The following AGAP1 variants were observed in gnomAD, a reference collection of about 807,000 sequenced individuals.
AGAP1 encodes the protein arf-GAP with GTPase, ANK repeat and PH domain-containing protein 1.
AGAP1 carries 29 observed loss-of-function variants against 105.3 expected under a neutral mutation model. The ratio of observed to expected loss-of-function variants is 0.28; its 90% CI spans 0.21 to 0.38. AGAP1 has a LOEUF of 0.38. Among genes scored for constraint, AGAP1 ranks in the 10% least tolerant of loss-of-function variants. AGAP1 has a pLI of 1.00. For synonymous variants in AGAP1, 509 were observed against 485.9 expected (o/e 1.05, Z -0.63); for missense variants, 998 against 1,165.1 (o/e 0.86, Z 2.09).
chr2:235,647,387 C>T (rs1249536095), intron 1 of AGAP1, among the ~76,000 whole-genome samples: 1 of 152,068 alleles, frequency 6.6e-6, no homozygotes, highest in Non-Finnish European at 1.5e-5. Context: ...TGAGCAATCA[C>T]ATTTCTTTTT....
intron 1 of AGAP1, among the ~76,000 whole-genome samples, chr2:235,561,034 T>G (rs968939851): frequency 1.3e-5 from 2 of 151,896 alleles, no homozygotes; most frequent in African/African-American, 4.8e-5. Context: ...TTCTTTGGAG[T>G]GGGTGCCGCT....
At chr2:236,102,231 C>CA (rs1238212137) in intron 16 of AGAP1, among the ~76,000 whole-genome samples, 1 of 152,106 alleles carries the variant, frequency 6.6e-6, no homozygotes, top group Non-Finnish European at 1.5e-5. Flanking sequence ...TCCTGGCTAA[C>CA]ACGGTGAAAC....
chr2:235,837,960 A>C (rs1960359845), intron 9 of AGAP1, among the ~76,000 whole-genome samples: 1 of 152,184 alleles, frequency 6.6e-6, no homozygotes, highest in Non-Finnish European at 1.5e-5. Flanking sequence ...AGGTGGGTAG[A>C]TCACCTGAGG....
chr2:235,583,564 T>C (rs1020092104), intron 1 of AGAP1, among the ~76,000 whole-genome samples: 2 of 151,480 alleles, frequency 1.3e-5, no homozygotes, highest in Non-Finnish European at 2.9e-5. Context: ...TTTTTTTTTT[T>C]TTTTTTTTTT....
At position 235,867,409 on chromosome 2, in the gene AGAP1, T is replaced by A. The variant is rs2049224218; in HGVS notation, c.1051-15936T>A. Among the ~76,000 whole-genome samples, 1 of 152,174 alleles carries A rather than the reference T, an allele frequency of 6.6e-6. No individual in the cohort carries two copies. The highest frequency in any genetic ancestry group is 1.5e-5 in the Non-Finnish European group (1 of 68,034). On this transcript the variant is annotated intron_variant, in intron 9 of 17. Coordinates refer to ENST00000304032, the MANE Select transcript of AGAP1 (RefSeq NM_001037131.3). This position sits in a 1 kb window ranked among gnomAD's most constrained non-coding sequence, Gnocchi z 5.4. ...TCAGATTTGGCCGACATGTGGGAGC[T>A]TGCCGGCCCCAGTCCCGTAGGATCC...
intron 6 of AGAP1, chr2:235,783,533 G>A: frequency 2.8e-6 from 1 of 355,458 alleles, no homozygotes; most frequent in South Asian, 2.2e-5. Flanking sequence ...GTCATCACAG[G>A]ATTCTAGTAT....
chr2:235,590,453 G>A (rs1173285448), intron 1 of AGAP1, among the ~76,000 whole-genome samples: 1 of 152,046 alleles, frequency 6.6e-6, no homozygotes, highest in Non-Finnish European at 1.5e-5. Context: ...GCTGGATGTT[G>A]AAGCTGTTGA....
Position 236,040,048 on chromosome 2 carries a change from C to T in AGAP1, c.1801-703C>T, listed in dbSNP as rs1416349078. On this transcript the variant is annotated intron_variant, in intron 14 of 17. Coordinates refer to ENST00000304032, the MANE Select transcript of AGAP1 (RefSeq NM_001037131.3). The surrounding 1 kb of genome is among the most constrained non-coding windows in gnomAD (Gnocchi z 5.6). ...ATCACTTGAGCCCACGAGTTCAAGGCTGCAGTGAGCTATGATCACACCACT... is the reference window on the plus strand; with the variant it reads ...ATCACTTGAGCCCACGAGTTCAAGGTTGCAGTGAGCTATGATCACACCACT... 2.6e-5 allele frequency among the ~76,000 whole-genome samples: 4 copies of T among 152,178 alleles called. No individual in the cohort carries two copies. The highest frequency in any genetic ancestry group is 9.6e-5 in the African/African-American group (4 of 41,504).
At chr2:236,015,413 T>G (rs1294520845) in intron 13 of AGAP1, among the ~76,000 whole-genome samples, 1 of 152,230 alleles carries the variant, frequency 6.6e-6, no homozygotes, top group Non-Finnish European at 1.5e-5. Flanking sequence ...AGTATTTTGT[T>G]GTGTTTCTAA....
At chr2:236,016,559 C>T (rs898420775) in intron 13 of AGAP1, among the ~76,000 whole-genome samples, 2 of 152,158 alleles carry the variant, frequency 1.3e-5, no homozygotes, top group African/African-American at 4.8e-5. Context: ...CTGAGACTTG[C>T]TGATGGGCCT....
chr2:236,054,892 C>T (rs1183117310), intron 16 of AGAP1, among the ~76,000 whole-genome samples: 1 of 152,176 alleles, frequency 6.6e-6, no homozygotes, highest in Non-Finnish European at 1.5e-5. Context: ...CCCGGCTGCC[C>T]TCCCCCAGCC....
chr2:235,580,460 G>A (rs1944893218), intron 1 of AGAP1, among the ~76,000 whole-genome samples: 1 of 152,068 alleles, frequency 6.6e-6, no homozygotes, highest in Non-Finnish European at 1.5e-5. Context: ...GAGGCAGTGG[G>A]GGAGGGAGGG....
rs931632186 is a variant in AGAP1, at chr2:235,769,925, A to G, written c.673+19437A>G. On this transcript the variant is annotated intron_variant, in intron 6 of 17. Coordinates refer to ENST00000304032, the MANE Select transcript of AGAP1 (RefSeq NM_001037131.3). This position sits in a 1 kb window ranked among gnomAD's most constrained non-coding sequence, Gnocchi z 4.4. ...AGAGTTACACTTCACATGTATTTCT[A>G]TTAAGATACACACTTATGTATGTTT... Among the ~76,000 whole-genome samples, 2 of 152,234 alleles carry G rather than the reference A, an allele frequency of 1.3e-5. No individual in the cohort carries two copies. Among genetic ancestry groups the G allele is most frequent in the Non-Finnish European group, 2.9e-5 (2 of 68,044 alleles).
At position 235,694,348 on chromosome 2, in the gene AGAP1, G is replaced by A. The variant is rs374426499; in HGVS notation, c.164-14831G>A. 4.3e-4 allele frequency among the ~76,000 whole-genome samples: 65 copies of A among 151,800 alleles called. No homozygotes were observed. In the South Asian group the frequency reaches 7.1e-3, roughly 17 times the overall value. The stretch of plus-strand genomic sequence containing the variant: ...CAAAAAGTTAGCTGGGCGTGGTGGC[G>A]GGCGCATGTATTCCCAGCTACTTGG... On this transcript the variant is annotated intron_variant, in intron 1 of 17. Transcript: ENST00000304032.
At position 235,936,050 on chromosome 2, in the gene AGAP1, C is replaced by T. The variant is rs1465044636; in HGVS notation, c.1483+5127C>T. ...CAGCTAATGCTGTTGCCATGGCAGC[C>T]TCGCTCCCCCAGCCCTGGACTGTCA... is the stretch of plus-strand genomic sequence containing the variant. On this transcript the variant is annotated intron_variant, in intron 12 of 17. Transcript: ENST00000304032. The surrounding 1 kb of genome is among the most constrained non-coding windows in gnomAD (Gnocchi z 4.7). Among the ~76,000 whole-genome samples, 1 of 152,208 alleles carries T rather than the reference C, an allele frequency of 6.6e-6. No individual in the cohort carries two copies. The highest frequency in any genetic ancestry group is 1.9e-4 in the East Asian group (1 of 5,192).
At chr2:235,497,751 C>T (rs1418122358) in intron 1 of AGAP1, among the ~76,000 whole-genome samples, 1 of 152,182 alleles carries the variant, frequency 6.6e-6, no homozygotes, top group African/African-American at 2.4e-5. Context: ...CCCACCACCT[C>T]GCCTGGCTAA....
At chr2:235,779,419 A>C (rs1285324567) in intron 6 of AGAP1, among the ~76,000 whole-genome samples, 1 of 152,216 alleles carries the variant, frequency 6.6e-6, no homozygotes, top group Non-Finnish European at 1.5e-5. Context: ...GTTACATTTC[A>C]TCCCGTAGGA....
At position 235,874,050 on chromosome 2, in the gene AGAP1, GTTTTGTTTTGT is replaced by G. The variant is rs1211505994; in HGVS notation, c.1051-9285_1051-9275del. ...AGCCCAGAACCGCATTCTGTTTTTT[GTTTTGTTTTGT>G]TTTTGTTTTTGTTTTGAGACAGGGT... On this transcript the variant is annotated intron_variant, in intron 9 of 17. Transcript: ENST00000304032. This position sits in a 1 kb window ranked among gnomAD's most constrained non-coding sequence, Gnocchi z 4.5. Among the ~76,000 whole-genome samples the G allele has an allele frequency of 6.6e-6, 1 of 150,610 alleles. No homozygotes were observed. The highest frequency in any genetic ancestry group is 1.5e-5 in the Non-Finnish European group (1 of 67,678).
rs1289183660 is a variant in AGAP1 at position 235,888,618 on chromosome 2, C to T, written c.1155+5169C>T. On this transcript the variant is annotated intron_variant, in intron 10 of 17. Transcript: ENST00000304032. This position sits in a 1 kb window ranked among gnomAD's most constrained non-coding sequence, Gnocchi z 4.8. The stretch of plus-strand genomic sequence containing the variant: ...ACTCAGGAGGCTGAGGCAGGAGGAT[C>T]ACTTGAGCCAGGAGGTCAGGGCTTC... Among the ~76,000 whole-genome samples, 1 of 151,922 alleles carries T rather than the reference C, an allele frequency of 6.6e-6. No homozygotes were observed. Among genetic ancestry groups the T allele is most frequent in the Non-Finnish European group, 1.5e-5 (1 of 68,000 alleles).
Sources: gnomAD v4.1 joint callset for allele counts (sites outside exome capture counted in the v4.1 genomes callset) on GRCh38, gnomAD v4.1.1 for gene constraint, Gnocchi (gnomAD v3.1) non-coding constraint, MANE v1.5 for transcripts, NCBI Gene and HGNC (gene_info 2026-07-23, HGNC 2026-07-21) for gene names.